RNF38: variants seen among roughly 807,000 people sequenced by gnomAD.
RNF38 encodes E3 ubiquitin-protein ligase RNF38.
In RNF38, 15 loss-of-function variants were observed where a neutral mutation model predicts 67.2. That is an observed-to-expected ratio of 0.22 (90% CI 0.15 to 0.34). The LOEUF (loss-of-function observed/expected upper bound fraction) is 0.34, where lower values mean the gene tolerates loss of function less well. Ranked by LOEUF, RNF38 falls within the 10% of genes least tolerant of loss-of-function variation. The pLI is 1.00. For synonymous variants in RNF38, 220 were observed against 218.8 expected (o/e 1.01, Z -0.05); for missense variants, 524 against 639.9 (o/e 0.82, Z 1.95).
At chr9:36,464,510 G>A (rs181734337) in intron 1 of RNF38, among the ~76,000 whole-genome samples, 127 of 151,990 alleles carry the variant, frequency 8.4e-4, no homozygotes, top group Non-Finnish European at 1.5e-3. Flanking sequence ...GGCGGAGGTT[G>A]TGGTAAGCTG....
intron 2 of RNF38, among the ~76,000 whole-genome samples, chr9:36,412,801 G>A (rs566659457): frequency 1.1e-4 from 17 of 152,230 alleles, no homozygotes; most frequent in East Asian, 5.8e-4. Flanking sequence ...GGTCAGGCGC[G>A]GTGGTTCACA....
At chr9:36,400,546 G>C, upstream of RNF38, 1 of 989,544 alleles carries the variant, frequency 1.0e-6, no homozygotes, top group Non-Finnish European at 1.2e-6. Flanking sequence ...GGCCGCGGCG[G>C]CCAGTACCTG....
chr9:36,340,143 CT>C (rs1832734006), intron 11 of RNF38, among the ~76,000 whole-genome samples: 1 of 152,122 alleles, frequency 6.6e-6, no homozygotes. Context: ...CCATGCCTGG[CT>C]AATTTTTGTA....
Position 36,338,273 on chromosome 9 carries a change from A to G in RNF38, c.*1479T>C, listed in dbSNP as rs1321503820. ...AAAACCCCATACAGCTATGTATTAC[A>G]TCAACTAAATGAAGGTCAACTCCTG... On this transcript the variant is annotated 3_prime_UTR_variant, in exon 12 of 12. Coordinates refer to ENST00000259605, the MANE Select transcript of RNF38 (RefSeq NM_022781.5). The G allele has an allele frequency of 6.6e-6, 1 of 152,252 alleles. No homozygotes were observed. The highest frequency in any genetic ancestry group is 1.5e-5 in the Non-Finnish European group (1 of 68,050). The allele number at this position is 152,252 out of a possible 1,614,324, so 9.4% of individuals were successfully genotyped here.
intron 1 of RNF38, among the ~76,000 whole-genome samples, chr9:36,434,266 A>AT (rs1564061424): frequency 1.9e-5 from 1 of 53,672 alleles, no homozygotes; most frequent in Non-Finnish European, 3.6e-5. Context: ...GGGAGAGGGG[A>AT]GGGGGGGAAG....
intron 10 of RNF38, among the ~76,000 whole-genome samples, chr9:36,343,445 G>C (rs972200216): frequency 3.3e-5 from 5 of 152,064 alleles, no homozygotes; most frequent in Admixed American, 1.3e-4. Flanking sequence ...AATGAAGCAA[G>C]GATCAGAATA....
intron 6 of RNF38, among the ~76,000 whole-genome samples, chr9:36,355,364 C>A (rs1159531304): frequency 6.6e-6 from 1 of 152,100 alleles, no homozygotes; most frequent in Non-Finnish European, 1.5e-5. Flanking sequence ...ACCTTTTTTC[C>A]TGTGCCCTTC....
intron 9 of RNF38, among the ~76,000 whole-genome samples, chr9:36,348,755 GA>G (rs1436494302): frequency 5.9e-5 from 9 of 152,336 alleles, no homozygotes; most frequent in African/African-American, 2.2e-4. Flanking sequence ...TTATAACAAC[GA>G]AGTGCAAGGT....
intron 2 of RNF38, among the ~76,000 whole-genome samples, chr9:36,420,938 T>C (rs1360263688): frequency 6.7e-6 from 1 of 149,046 alleles, no homozygotes; most frequent in Non-Finnish European, 1.5e-5. Flanking sequence ...TATAAACAGA[T>C]ACATATCAGG....
chr9:36,351,242 T>G (rs542026966), intron 8 of RNF38, 43 bp from the exon 9 acceptor site: 1 of 1,335,112 alleles, frequency 7.5e-7, no homozygotes, highest in South Asian at 1.2e-5. Flanking sequence ...TGTTAGTACA[T>G]TAAATCAATG....
intron 1 of RNF38, among the ~76,000 whole-genome samples, chr9:36,451,313 A>T (rs1254779085): frequency 6.6e-6 from 1 of 151,676 alleles, no homozygotes; most frequent in Non-Finnish European, 1.5e-5. Flanking sequence ...AAAATAGAAA[A>T]GATTAGCCAG....
Position 36,397,018 on chromosome 9 carries a change from T to C in RNF38, c.12+3079A>G, listed in dbSNP as rs1317917220. On this transcript the variant is annotated intron_variant, in intron 1 of 11. Transcript: ENST00000259605. ...TCACAATTTGCTTTATATATGTGTG[T>C]GTGTGTGTATATACGTATATACGTA... Among the ~76,000 whole-genome samples the C allele has an allele frequency of 2.0e-5, 3 of 147,800 alleles. No individual in the cohort carries two copies. The South Asian group carries it at 6.3e-4, about 31-fold the overall frequency.
intron 1 of RNF38, among the ~76,000 whole-genome samples, chr9:36,395,135 C>G (rs1837419679): frequency 6.6e-6 from 1 of 152,192 alleles, no homozygotes; most frequent in Non-Finnish European, 1.5e-5. Context: ...AGCATCAACA[C>G]TACTATTTTA....
chr9:36,343,707 G>A (rs1008588248), intron 10 of RNF38, among the ~76,000 whole-genome samples: 3 of 151,964 alleles, frequency 2.0e-5, no homozygotes, highest in Non-Finnish European at 4.4e-5. Context: ...TCTATACAAT[G>A]GAATATTATT....
At chr9:36,487,062 G>A (rs1840431644) in intron 1 of RNF38, among the ~76,000 whole-genome samples, 1 of 152,190 alleles carries the variant, frequency 6.6e-6, no homozygotes, top group African/African-American at 2.4e-5. Context: ...GCCGAGCAGA[G>A]ACCTAGAGAG....
chr9:36,365,253 G>A (rs1413952182), intron 4 of RNF38, among the ~76,000 whole-genome samples: 2 of 152,008 alleles, frequency 1.3e-5, no homozygotes, highest in East Asian at 3.9e-4. Context: ...GATCTTTCGA[G>A]TCAAATCTCT....
At chr9:36,385,249 T>C (rs1836518064) in intron 2 of RNF38, among the ~76,000 whole-genome samples, 2 of 152,154 alleles carry the variant, frequency 1.3e-5, no homozygotes, top group Non-Finnish European at 2.9e-5. Context: ...GTGGATTTTA[T>C]ACAACAACCG....
intron 1 of RNF38, among the ~76,000 whole-genome samples, chr9:36,451,105 T>C (rs2134334823): frequency 6.6e-6 from 1 of 152,284 alleles, no homozygotes; most frequent in African/African-American, 2.4e-5. Context: ...ACCTTGGGAA[T>C]GCAATCAGCA....
At chr9:36,446,574 A>AGGTG (rs1839305227) in intron 1 of RNF38, among the ~76,000 whole-genome samples, 1 of 152,110 alleles carries the variant, frequency 6.6e-6, no homozygotes, top group Admixed American at 6.6e-5. Flanking sequence ...TGGGAAGCTG[A>AGGTG]GGCAGAAGGA....
Sources: allele counts gnomAD v4.1 joint callset (sites outside exome capture counted in the v4.1 genomes callset), GRCh38; gene constraint gnomAD v4.1.1; transcripts MANE v1.5; gene names NCBI Gene and HGNC (gene_info 2026-07-23, HGNC 2026-07-21).